The following LPP variants were observed in gnomAD, a reference collection of about 807,000 sequenced individuals.
LPP encodes the protein lipoma-preferred partner.
Under a neutral mutation model 60.4 loss-of-function variants are expected in LPP, and 38 were observed. The ratio of observed to expected loss-of-function variants is 0.63; its 90% CI spans 0.49 to 0.83. LPP has a LOEUF of 0.83. LPP is among the 40% of genes least tolerant of loss of function. The probability of loss-of-function intolerance (pLI) is 0.00; values close to 1 mark genes in which losing one functional copy is unlikely to be tolerated. For synonymous variants in LPP, 328 were observed against 290.8 expected (o/e 1.13, Z -1.30); for missense variants, 902 against 783.6 (o/e 1.15, Z -1.80).
chr3:188,203,401 T>G (rs1382243607), intron 1 of LPP, among the ~76,000 whole-genome samples: 1 of 61,542 alleles, frequency 1.6e-5, no homozygotes, highest in African/African-American at 4.9e-5. Flanking sequence ...TTAATATATA[T>G]TTTTATAAAT....
chr3:188,215,247 A>G (rs573538140), intron 1 of LPP, among the ~76,000 whole-genome samples: 5 of 152,178 alleles, frequency 3.3e-5, no homozygotes, highest in Non-Finnish European at 4.4e-5. Flanking sequence ...TGGAGGTTGC[A>G]GTGAGCCAAG....
At chr3:188,201,228 G>A (rs1730997784) in intron 1 of LPP, among the ~76,000 whole-genome samples, 1 of 152,212 alleles carries the variant, frequency 6.6e-6, no homozygotes, top group South Asian at 2.1e-4. Context: ...CTGGGAAGGA[G>A]AATAAATCAG....
At chr3:188,415,511 T>A (rs904515351) in intron 4 of LPP, among the ~76,000 whole-genome samples, 48 of 152,068 alleles carry the variant, frequency 3.2e-4, no homozygotes, top group Non-Finnish European at 1.5e-4. Flanking sequence ...TTTTTTTTTT[T>A]ATCATAATGA....
chr3:188,420,957 A>G (rs1787628773), intron 4 of LPP, among the ~76,000 whole-genome samples: 1 of 152,164 alleles, frequency 6.6e-6, no homozygotes, highest in Non-Finnish European at 1.5e-5. Context: ...TGAGCTGTGC[A>G]TGTGTAAGGC....
At chr3:188,835,197 T>A (rs532002530) in intron 9 of LPP, among the ~76,000 whole-genome samples, 1 of 151,530 alleles carries the variant, frequency 6.6e-6, no homozygotes, top group South Asian at 2.1e-4. Flanking sequence ...GGTGGCTCAC[T>A]CCTGTAATCC....
chr3:188,771,530 A>G (rs9817494), intron 9 of LPP, among the ~76,000 whole-genome samples: 48,699 of 140,992 alleles, frequency 0.35, 8,660 homozygotes, highest in Middle Eastern at 0.43. Flanking sequence ...AGCCTGGGCG[A>G]CAGAGTGAGA....
At chr3:188,858,182 A>G (rs1764289194) in intron 9 of LPP, among the ~76,000 whole-genome samples, 1 of 152,196 alleles carries the variant, frequency 6.6e-6, no homozygotes, top group African/African-American at 2.4e-5. Context: ...CACATGACTT[A>G]TGTTGTAAAG....
At chr3:188,274,806 T>G (rs886379320) in intron 2 of LPP, among the ~76,000 whole-genome samples, 1 of 152,226 alleles carries the variant, frequency 6.6e-6, no homozygotes, top group Admixed American at 6.5e-5. Flanking sequence ...TAGAGTGGAT[T>G]GGTTGAGACT....
chr3:188,766,060 C>T (rs890640909), intron 9 of LPP, among the ~76,000 whole-genome samples: 6 of 151,164 alleles, frequency 4.0e-5, no homozygotes, highest in African/African-American at 1.5e-4. Context: ...TTCATAGAGA[C>T]GGGGTTTAAC....
intron 3 of LPP, among the ~76,000 whole-genome samples, chr3:188,362,453 G>A (rs193246804): frequency 4.5e-4 from 69 of 152,046 alleles, no homozygotes; most frequent in Middle Eastern, 3.4e-3. Context: ...CTCCTACACC[G>A]TTGCCTTACT....
chr3:188,267,606 G>T (rs1736043083), intron 2 of LPP, among the ~76,000 whole-genome samples: 1 of 152,190 alleles, frequency 6.6e-6, no homozygotes, highest in African/African-American at 2.4e-5. Context: ...GTAAGCCATT[G>T]TACTGGAGTT....
chr3:188,611,567 C>T (rs537063230), intron 7 of LPP, among the ~76,000 whole-genome samples: 1 of 152,322 alleles, frequency 6.6e-6, no homozygotes, highest in African/African-American at 2.4e-5. Context: ...GTCAGAACAA[C>T]TGCTGTCAAG....
intron 9 of LPP, among the ~76,000 whole-genome samples, chr3:188,829,668 G>A (rs186144110): frequency 4.1e-4 from 62 of 152,204 alleles, no homozygotes; most frequent in African/African-American, 1.2e-3. Context: ...AATTGGCCAC[G>A]TCGACACCTG....
chr3:188,714,253 C>T (rs977586060), intron 8 of LPP, among the ~76,000 whole-genome samples: 1 of 152,148 alleles, frequency 6.6e-6, no homozygotes, highest in Non-Finnish European at 1.5e-5. Flanking sequence ...GTTTCTCTCC[C>T]ATGTCATAAC....
At chr3:188,678,074 G>A (rs1858529011) in intron 7 of LPP, among the ~76,000 whole-genome samples, 1 of 152,134 alleles carries the variant, frequency 6.6e-6, no homozygotes, top group African/African-American at 2.4e-5. Context: ...TGGAAGATGA[G>A]TACCTATCTT....
intron 6 of LPP, among the ~76,000 whole-genome samples, chr3:188,607,116 GACACACACACACACACACACACACAC>G (rs34057522): frequency 6.2e-5 from 8 of 129,586 alleles, no homozygotes; most frequent in South Asian, 2.8e-4. Context: ...TCTTGGTGAA[GACACACACACACACACACACACACAC>G]ACACACACAC....
chr3:188,686,343 A>G (rs115005955), intron 7 of LPP, among the ~76,000 whole-genome samples: 3,441 of 152,242 alleles, frequency 0.023, 57 homozygotes, highest in Non-Finnish European at 0.036. Context: ...AGCAAGATCT[A>G]TACTCCTTTA....
chr3:188,514,801 T>A (rs753531659), intron 5 of LPP, among the ~76,000 whole-genome samples: 1 of 152,206 alleles, frequency 6.6e-6, no homozygotes, highest in African/African-American at 2.4e-5. Context: ...TATTTGCCCA[T>A]CTAATCTCCT....
intron 1 of LPP, among the ~76,000 whole-genome samples, chr3:188,185,418 A>T (rs1726303339): frequency 6.7e-6 from 1 of 150,344 alleles, no homozygotes; most frequent in Non-Finnish European, 1.5e-5. Flanking sequence ...TTTTCCCCCT[A>T]TATACCCCAC....
Sources: gnomAD v4.1 joint callset for allele counts (sites outside exome capture counted in the v4.1 genomes callset) on GRCh38, gnomAD v4.1.1 for gene constraint, MANE v1.5 for transcripts, NCBI Gene and HGNC (gene_info 2026-07-23, HGNC 2026-07-21) for gene names.